Variants in NXNL2 observed in about 807,000 individuals in gnomAD.
NXNL2 encodes the protein nucleoredoxin like 2, also known as nucleoredoxin-like protein 2.
A neutral mutation model predicts 11.1 loss-of-function variants in NXNL2; 7 were observed. That is an observed-to-expected ratio of 0.63 (90% confidence interval 0.36 to 1.18). The LOEUF is 1.18. Ranked by LOEUF, NXNL2 falls within the 50% of genes most tolerant of loss-of-function variation. The pLI is 0.02. For missense variants in NXNL2, 233 were observed against 217.7 expected (o/e 1.07, Z -0.44); for synonymous variants, 109 against 101.8 (o/e 1.07, Z -0.42).
Position 88,559,615 on chromosome 9 carries a change from G to A in NXNL2, c.303-11472G>A, listed in dbSNP as rs573815024. On this transcript the variant is annotated intron_variant, in intron 1 of 2. Transcript: ENST00000375855. ...CCTAGGTGGCCAGCTACTGCAGCAG[G>A]TCCCTGAGCTAGACTCTGAGCACAG... Among the ~76,000 whole-genome samples the A allele has an allele frequency of 2.0e-5, 3 of 152,274 alleles. No individual in the cohort carries two copies. In the South Asian group the frequency reaches 6.2e-4, roughly 32 times the overall value.
chr9:88,552,596 G>A (rs1013920911), intron 1 of NXNL2, among the ~76,000 whole-genome samples: 2 of 150,714 alleles, frequency 1.3e-5, no homozygotes, highest in Admixed American at 1.3e-4. Context: ...TCAGCCTCCC[G>A]AGTAGCTGGG....
rs149563931 is a variant in NXNL2 at position 88,572,203 on chromosome 9, G to A, written c.*16+995G>A. On this transcript the variant is annotated intron_variant, in intron 2 of 2. Transcript: ENST00000375855. ...CTTTTGTTAGTGTTGTTTCTGGGGCGTGCACTCATTCATTCACTCGATTGT... is the reference window on the plus strand; with the variant it reads ...CTTTTGTTAGTGTTGTTTCTGGGGCATGCACTCATTCATTCACTCGATTGT... Among the ~76,000 whole-genome samples, 546 of 152,224 alleles carry A rather than the reference G, an allele frequency of 3.6e-3. 5 individuals carry two copies. The highest frequency in any genetic ancestry group is 0.012 in the African/African-American group (514 of 41,514).
Position 88,544,700 on chromosome 9 carries a change from G to T in NXNL2, c.*153G>T. 1 of 1,410,558 alleles carries T rather than the reference G, an allele frequency of 7.1e-7. No individual in the cohort carries two copies. 87.4% of individuals were successfully genotyped at this position (1,410,558 alleles called of 1,614,324 possible). On this transcript the variant is annotated 3_prime_UTR_variant, in exon 2 of 2. Coordinates refer to ENST00000375854, the MANE Select transcript of NXNL2 (RefSeq NM_001161625.2). The stretch of plus-strand genomic sequence containing the variant: ...AAGCTGTGGTCAAAAAGCAACTATT[G>T]CTCAGGAAATAATACACTCCATATT...
chr9:88,562,955 G>A (rs1222944158), intron 1 of NXNL2, among the ~76,000 whole-genome samples: 1 of 151,588 alleles, frequency 6.6e-6, no homozygotes, highest in Non-Finnish European at 1.5e-5. Flanking sequence ...GGGCGTGGTG[G>A]CACACACCTG....
chr9:88,565,864 A>G (rs1830162928), intron 1 of NXNL2, among the ~76,000 whole-genome samples: 1 of 152,136 alleles, frequency 6.6e-6, no homozygotes, highest in African/African-American at 2.4e-5. Flanking sequence ...TGTTGTTAAT[A>G]ATAGCCATTC....
intron 1 of NXNL2, among the ~76,000 whole-genome samples, chr9:88,541,948 T>G (rs1032181768): frequency 6.6e-5 from 10 of 152,082 alleles, no homozygotes; most frequent in African/African-American, 2.2e-4. Context: ...GATTTCTTTT[T>G]GGCTGAGCAC....
At chr9:88,568,869 CT>C (rs1235438312) in intron 1 of NXNL2, among the ~76,000 whole-genome samples, 6 of 152,186 alleles carry the variant, frequency 3.9e-5, no homozygotes, top group South Asian at 4.1e-4. Context: ...ATTATGGAGG[CT>C]TTGATCCAGC....
intron 1 of NXNL2, among the ~76,000 whole-genome samples, chr9:88,538,773 C>T (rs1829685993): frequency 6.6e-6 from 1 of 152,202 alleles, no homozygotes; most frequent in Non-Finnish European, 1.5e-5. Flanking sequence ...GTAAGAACAG[C>T]TAGCATTTAT....
chr9:88,553,919 G>A (rs1829977482), intron 1 of NXNL2, among the ~76,000 whole-genome samples: 2 of 152,084 alleles, frequency 1.3e-5, no homozygotes, highest in South Asian at 4.1e-4. Flanking sequence ...TTATGTATGT[G>A]TTGTCATGAT....
downstream of NXNL2, among the ~76,000 whole-genome samples, chr9:88,547,185 G>C (rs1391306225): frequency 6.6e-6 from 1 of 152,228 alleles, no homozygotes; most frequent in Non-Finnish European, 1.5e-5. Flanking sequence ...CTTGTCCACT[G>C]AATTTGTTGA....
Position 88,544,784 on chromosome 9 carries a change from C to T in NXNL2, c.*237C>T. On this transcript the variant is annotated 3_prime_UTR_variant, in exon 2 of 2. Transcript: ENST00000375854. ...TTTGTTATTCTTTGCATACCTTTAT[C>T]CACCTGTGCTTAAGGAAGGATCCTC... 15 of 1,245,622 alleles carry T rather than the reference C, an allele frequency of 1.2e-5. No individual in the cohort carries two copies. The highest frequency in any genetic ancestry group is 1.5e-5 in the Non-Finnish European group (15 of 995,328). 77.2% of individuals were successfully genotyped at this position (1,245,622 alleles called of 1,614,324 possible).
chr9:88,570,556 C>T (rs1830245768), intron 1 of NXNL2, among the ~76,000 whole-genome samples: 2 of 152,322 alleles, frequency 1.3e-5, no homozygotes, highest in South Asian at 4.1e-4. Context: ...TCAGTTTCCT[C>T]ATTTGTAAAA....
At chr9:88,548,209 G>A (rs1829871515), downstream of NXNL2, among the ~76,000 whole-genome samples, 1 of 149,882 alleles carries the variant, frequency 6.7e-6, no homozygotes, top group Admixed American at 6.7e-5. Context: ...CGTGGTGGCA[G>A]GTGCCTGTAA....
chr9:88,541,619 G>A (rs748013084), intron 1 of NXNL2, among the ~76,000 whole-genome samples: 1 of 152,116 alleles, frequency 6.6e-6, no homozygotes, highest in Non-Finnish European at 1.5e-5. Flanking sequence ...GGTTTTATTG[G>A]TCACCCCATG....
At chr9:88,551,641 T>A (rs906912998) in intron 1 of NXNL2, among the ~76,000 whole-genome samples, 4 of 152,210 alleles carry the variant, frequency 2.6e-5, no homozygotes, top group African/African-American at 9.6e-5. Flanking sequence ...CCAAGTGGCT[T>A]CCCCTTCCCC....
At chr9:88,540,977 G>A (rs1029782456) in intron 1 of NXNL2, among the ~76,000 whole-genome samples, 3 of 112,778 alleles carry the variant, frequency 2.7e-5, no homozygotes, top group Non-Finnish European at 5.0e-5. Context: ...CTAGGGTCTT[G>A]CACCATCATC....
intron 1 of NXNL2, among the ~76,000 whole-genome samples, chr9:88,538,004 C>G (rs1829664078): frequency 6.6e-6 from 1 of 152,202 alleles, no homozygotes. Flanking sequence ...CAAGGAGGAA[C>G]TGGGCTCTTG....
At position 88,541,437 on chromosome 9, in the gene NXNL2, A is replaced by G. The variant is rs578100909; in HGVS notation, c.303-2942A>G. 5.2e-4 allele frequency among the ~76,000 whole-genome samples: 79 copies of G among 151,612 alleles called. 1 individual carries two copies. The highest frequency in any genetic ancestry group is 1.8e-3 in the African/African-American group (76 of 41,358). Reference sequence around the variant, plus strand: ...AACCACACCTGGTTAATTTTTTTTTATTTTGTGGAGACAGGGTCTTGTCAT... The same window carrying G: ...AACCACACCTGGTTAATTTTTTTTTGTTTTGTGGAGACAGGGTCTTGTCAT... On this transcript the variant is annotated intron_variant, in intron 1 of 1. Transcript: ENST00000375854.
chr9:88,535,192 C>T lies in NXNL2; in HGVS notation c.-243C>T. 1.9e-6 allele frequency: 1 copy of T among 529,460 alleles called. No individual in the cohort carries two copies. Among genetic ancestry groups the T allele is most frequent in the East Asian group, 3.4e-5 (1 of 29,774 alleles). 32.8% of individuals were successfully genotyped at this position (529,460 alleles called of 1,614,324 possible). On this transcript the variant is annotated 5_prime_UTR_variant, in exon 1 of 2. Coordinates refer to ENST00000375854, the MANE Select transcript of NXNL2 (RefSeq NM_001161625.2). Reference sequence around the variant, plus strand: ...GCCCCGCTCCCAGAGGCGGGTGCCGCGCTGTCGCCCAGGTATCTGGGGTCT... The same window carrying T: ...GCCCCGCTCCCAGAGGCGGGTGCCGTGCTGTCGCCCAGGTATCTGGGGTCT...
Sources: gnomAD v4.1 joint callset for allele counts (sites outside exome capture counted in the v4.1 genomes callset) on GRCh38, gnomAD v4.1.1 for gene constraint, MANE v1.5 for transcripts, NCBI Gene and HGNC (gene_info 2026-07-23, HGNC 2026-07-21) for gene names.